The following SFTPC variants were observed in gnomAD, a reference collection of about 807,000 sequenced individuals.
SFTPC encodes surfactant protein C, also known as BRICHOS domain containing 6.
SFTPC carries 12 observed loss-of-function variants against 19.9 expected under a neutral mutation model. The ratio of observed to expected loss-of-function variants is 0.60; its 90% CI spans 0.39 to 0.98. The LOEUF (loss-of-function observed/expected upper bound fraction) is 0.98, where lower values mean the gene tolerates loss of function less well. Ranked by LOEUF, SFTPC falls within the 50% of genes least tolerant of loss-of-function variation. The pLI is 0.00. For missense variants in SFTPC, 219 were observed against 252.2 expected (o/e 0.87, Z 0.89); for synonymous variants, 123 against 103.3 (o/e 1.19, Z -1.16).
At chr8:22,163,345 G>A (rs996254033) in intron 3 of SFTPC, 91 bp from the exon 4 acceptor site, 30 of 1,498,770 alleles carry the variant, frequency 2.0e-5, no homozygotes, top group Middle Eastern at 1.7e-4. Context: ...TATGACTCCC[G>A]TGCCCAACCT....
Position 22,163,881 on chromosome 8 carries a change from A to G in SFTPC, c.436-20A>G, listed in dbSNP as rs1419504787. 1.9e-6 allele frequency: 3 copies of G among 1,605,766 alleles called. No individual in the cohort carries two copies. The African/African-American group carries it at 4.0e-5, about 21-fold the overall frequency. ...GATAGAAACTCACTTCCTACATTCC[A>G]GATGGAATGCTCTCTGCAGGCCAAG... On this transcript the variant is annotated intron_variant, in intron 4 of 5. Coordinates refer to ENST00000679463, the MANE Select transcript of SFTPC (RefSeq NM_001317778.2).
At chr8:22,159,908 G>A, upstream of SFTPC, 1 of 1,163,536 alleles carries the variant, frequency 8.6e-7, no homozygotes, top group Non-Finnish European at 1.1e-6. Context: ...GCGGGAGTAA[G>A]GGCCCTGGGG....
chr8:22,162,614 G>A lies in SFTPC; in HGVS notation c.83G>A (p.Cys28Tyr). The change falls in exon 2 of 6, where the codon TGC becomes TAC. Residue 28 changes from cysteine to tyrosine, a missense_variant. Cys to Tyr is a radical substitution (Grantham distance 194). Transcript: ENST00000679463. ...CCCCGGGGCCGATTTGGCATTCCCT[G>A]CTGCCCAGTGCACCTGAAACGCCTT... ...AAPRGRFGIPCCPVHLKRLLI... is the reference protein window; with the variant it reads ...AAPRGRFGIPYCPVHLKRLLI... 6.2e-7 allele frequency: 1 copy of A among 1,614,188 alleles called. No homozygotes were observed. The highest frequency in any genetic ancestry group is 8.5e-7 in the Non-Finnish European group (1 of 1,180,016).
At chr8:22,164,243 C>A (rs558003013) in intron 5 of SFTPC, 23 bp from the exon 6 acceptor site, 20 of 1,536,026 alleles carry the variant, frequency 1.3e-5, no homozygotes, top group Middle Eastern at 1.7e-4. Context: ...TCTGTCCATC[C>A]TCAACATTCC....
upstream of SFTPC, chr8:22,157,383 A>C (rs1000909861): frequency 9.1e-5 from 18 of 197,112 alleles, no homozygotes; most frequent in Non-Finnish European, 1.5e-4. Context: ...GATATTTTTC[A>C]GTCCAGCCCT....
chr8:22,163,423 A>T lies in SFTPC; in HGVS notation c.325-13A>T, dbSNP rs966635808. 5 of 1,609,554 alleles carry T rather than the reference A, an allele frequency of 3.1e-6. No homozygotes were observed. Reference sequence around the variant, plus strand: ...CAGGGACCCCCGAATGATCTCCAGCATTCTGTGCCTAGCTGCTGATCGCCT... The same window carrying T: ...CAGGGACCCCCGAATGATCTCCAGCTTTCTGTGCCTAGCTGCTGATCGCCT... On this transcript the variant is annotated splice_polypyrimidine_tract_variant and intron_variant, in intron 3 of 5. Coordinates refer to ENST00000679463, the MANE Select transcript of SFTPC (RefSeq NM_001317778.2).
chr8:22,162,812 G>A (rs1261355985), intron 2 of SFTPC, 80 bp downstream of exon 2: 72 of 1,572,484 alleles, frequency 4.6e-5, no homozygotes, highest in Non-Finnish European at 6.0e-5. Flanking sequence ...ATAGGAAACT[G>A]TCCAAGGGGA....
At chr8:22,162,313 G>T (rs1827769840) in intron 1 of SFTPC, among the ~76,000 whole-genome samples, 1 of 152,170 alleles carries the variant, frequency 6.6e-6, no homozygotes, top group African/African-American at 2.4e-5. Flanking sequence ...GAAGCAGCAG[G>T]GAGAGACAGG....
At chr8:22,162,956 C>A in intron 2 of SFTPC, 124 bp from the exon 3 acceptor site, 1 of 1,464,186 alleles carries the variant, frequency 6.8e-7, no homozygotes, top group South Asian at 1.2e-5. Flanking sequence ...TGGTTCCACT[C>A]AGCCTCCCTG....
chr8:22,157,799 T>G (rs1827556376), upstream of SFTPC: 1 of 145,798 alleles, frequency 6.9e-6, no homozygotes, highest in African/African-American at 2.8e-5. Flanking sequence ...TTTATTTTGC[T>G]TTGTAAAATA....
chr8:22,160,679 G>T (rs959367770), upstream of SFTPC, among the ~76,000 whole-genome samples: 6 of 152,162 alleles, frequency 3.9e-5, no homozygotes, highest in Admixed American at 1.3e-4. Context: ...CCTGGACTCT[G>T]CCACAGTCAC....
upstream of SFTPC, chr8:22,159,853 C>G (rs548450924): frequency 1.0e-5 from 13 of 1,289,134 alleles, no homozygotes; most frequent in Middle Eastern, 2.1e-4. Flanking sequence ...AGGCCCAGTA[C>G]TCGTGAGTCA....
upstream of SFTPC, among the ~76,000 whole-genome samples, chr8:22,158,301 C>T (rs2131803110): frequency 6.6e-6 from 1 of 152,328 alleles, no homozygotes; most frequent in South Asian, 2.1e-4. Flanking sequence ...ACACATTTAG[C>T]CGCCCTCCCC....
rs1216912850 is a variant in SFTPC at position 22,164,256 on chromosome 8, T to G, written c.*19-10T>G. 1 of 1,536,200 alleles carries G rather than the reference T, an allele frequency of 6.5e-7. No individual in the cohort carries two copies. The highest frequency in any genetic ancestry group is 2.0e-5 in the Admixed American group (1 of 50,998). ...TCTCTGTCCATCCTCAACATTCCTT[T>G]GCTTCACAGGGTCAGTGGAAGCCCC... On this transcript the variant is annotated splice_polypyrimidine_tract_variant and intron_variant, in intron 5 of 5. Transcript: ENST00000679463.
upstream of SFTPC, chr8:22,157,711 T>A (rs1024688770): frequency 1.9e-4 from 29 of 152,178 alleles, no homozygotes; most frequent in African/African-American, 7.0e-4. Flanking sequence ...TAAGACATGA[T>A]TTGCCCTTTT....
chr8:22,160,852 G>A (rs909642495), upstream of SFTPC, among the ~76,000 whole-genome samples: 1 of 152,202 alleles, frequency 6.6e-6, no homozygotes, highest in Non-Finnish European at 1.5e-5. Flanking sequence ...AAAAGAGAAG[G>A]AGACAGTCCT....
chr8:22,160,465 G>T (rs910016800), upstream of SFTPC, among the ~76,000 whole-genome samples: 2 of 152,194 alleles, frequency 1.3e-5, no homozygotes, highest in Admixed American at 1.3e-4. Context: ...GCAAAAATTA[G>T]CTGGGCACAA....
chr8:22,162,830 G>A, intron 2 of SFTPC, 98 bp downstream of exon 2: 3 of 1,515,884 alleles, frequency 2.0e-6, no homozygotes, highest in Non-Finnish European at 2.7e-6. Context: ...GGAGTGGAGG[G>A]GAGGAGGCAA....
chr8:22,160,213 G>A (rs766797481), upstream of SFTPC, among the ~76,000 whole-genome samples: 3 of 152,188 alleles, frequency 2.0e-5, no homozygotes, highest in Non-Finnish European at 4.4e-5. Context: ...TGGGGCTGAA[G>A]GCCCTCCAGA....
Sources: allele counts gnomAD v4.1 joint callset (sites outside exome capture counted in the v4.1 genomes callset), GRCh38; gene constraint gnomAD v4.1.1; transcripts MANE v1.5; gene names NCBI Gene and HGNC (gene_info 2026-07-23, HGNC 2026-07-21).